The following RAD51B variants were observed in gnomAD, a reference collection of about 807,000 sequenced individuals.
The protein encoded by RAD51B is DNA repair protein RAD51 homolog 2.
Under a neutral mutation model 42.2 loss-of-function variants are expected in RAD51B, and 38 were observed. That is an observed-to-expected ratio of 0.90 (90% CI 0.70 to 1.18). The LOEUF (loss-of-function observed/expected upper bound fraction) is 1.18. Among genes scored for constraint, RAD51B ranks in the 50% most tolerant of loss-of-function variants. The pLI is 0.00. For missense variants in RAD51B, 373 were observed against 400.7 expected (o/e 0.93, Z 0.59); for synonymous variants, 154 against 145.2 (o/e 1.06, Z -0.43).
intron 11 of RAD51B, among the ~76,000 whole-genome samples, chr14:68,660,799 G>C (rs893985558): frequency 6.6e-6 from 1 of 152,196 alleles, no homozygotes; most frequent in Admixed American, 6.5e-5. Flanking sequence ...TGGGTAGGAA[G>C]AGCCACTTGT....
At chr14:68,193,547 G>T (rs2079308851) in intron 7 of RAD51B, among the ~76,000 whole-genome samples, 1 of 152,128 alleles carries the variant, frequency 6.6e-6, no homozygotes, top group Non-Finnish European at 1.5e-5. Flanking sequence ...GGGCTAAAGG[G>T]ATGCAAAAAC....
At chr14:68,536,611 T>G (rs1465486780) in intron 10 of RAD51B, among the ~76,000 whole-genome samples, 10 of 152,264 alleles carry the variant, frequency 6.6e-5, no homozygotes, top group Non-Finnish European at 1.3e-4. Flanking sequence ...GGTTATCCTT[T>G]GTAAAATTCT....
At chr14:68,273,668 G>C (rs1210378714) in intron 7 of RAD51B, among the ~76,000 whole-genome samples, 1 of 152,064 alleles carries the variant, frequency 6.6e-6, no homozygotes, top group Non-Finnish European at 1.5e-5. Context: ...ATTAGGTTCG[G>C]AACAAGCACT....
chr14:68,483,060 AAG>A (rs10570973), downstream of RAD51B, among the ~76,000 whole-genome samples: 45,777 of 151,826 alleles, frequency 0.3, 8,006 homozygotes, highest in African/African-American at 0.48. Flanking sequence ...GAAAGTAAGA[AAG>A]AGAGAGAGAT....
chr14:68,570,192 G>A (rs1889624598), intron 10 of RAD51B, among the ~76,000 whole-genome samples: 1 of 152,142 alleles, frequency 6.6e-6, no homozygotes, highest in South Asian at 2.1e-4. Context: ...TCTGCCCTGA[G>A]CTCCTTGTCT....
intron 8 of RAD51B, among the ~76,000 whole-genome samples, chr14:68,394,637 T>C (rs1364400174): frequency 6.6e-6 from 1 of 152,268 alleles, no homozygotes; most frequent in Non-Finnish European, 1.5e-5. Context: ...CTCAATCCTC[T>C]GAAAGCATTT....
chr14:68,285,319 G>A (rs936437813), intron 7 of RAD51B, among the ~76,000 whole-genome samples: 1 of 152,130 alleles, frequency 6.6e-6, no homozygotes, highest in African/African-American at 2.4e-5. Context: ...GTCATATATG[G>A]CAATTAGGAT....
At chr14:68,174,959 T>G (rs2078936681) in intron 7 of RAD51B, among the ~76,000 whole-genome samples, 1 of 152,204 alleles carries the variant, frequency 6.6e-6, no homozygotes, top group African/African-American at 2.4e-5. Flanking sequence ...ATTAAGTTAG[T>G]GTAAATATTA....
chr14:68,656,308 A>T (rs1892813863), intron 11 of RAD51B, among the ~76,000 whole-genome samples: 1 of 152,156 alleles, frequency 6.6e-6, no homozygotes, highest in Non-Finnish European at 1.5e-5. Context: ...CACAGAGATG[A>T]CTATAGGTAT....
intron 7 of RAD51B, among the ~76,000 whole-genome samples, chr14:67,898,886 A>G (rs899466158): frequency 6.6e-6 from 1 of 152,216 alleles, no homozygotes; most frequent in Admixed American, 6.5e-5. Context: ...AGGTTTTATT[A>G]TCTTCCAATA....
intron 7 of RAD51B, among the ~76,000 whole-genome samples, chr14:68,098,578 A>G (rs940694942): frequency 1.6e-4 from 25 of 152,310 alleles, no homozygotes; most frequent in African/African-American, 5.8e-4. Flanking sequence ...AGGATGATGC[A>G]AAAGTGGAAA....
intron 5 of RAD51B, among the ~76,000 whole-genome samples, chr14:67,874,166 C>T (rs945464681): frequency 3.9e-5 from 6 of 152,168 alleles, no homozygotes; most frequent in African/African-American, 1.2e-4. Context: ...CTTAAAAGCA[C>T]TTTGGAAAGG....
At chr14:68,050,609 T>A (rs1251908291) in intron 7 of RAD51B, among the ~76,000 whole-genome samples, 1 of 152,186 alleles carries the variant, frequency 6.6e-6, no homozygotes, top group East Asian at 1.9e-4. Context: ...CGCATGTGTG[T>A]GTGCTCACAC....
intron 7 of RAD51B, among the ~76,000 whole-genome samples, chr14:67,931,212 C>T (rs889849485): frequency 2.0e-5 from 3 of 152,014 alleles, no homozygotes; most frequent in South Asian, 4.1e-4. Context: ...TGAGCCACCG[C>T]GTCCTGCCTG....
chr14:68,470,559 T>G (rs1333139431), intron 10 of RAD51B: 10 of 502,850 alleles, frequency 2.0e-5, no homozygotes, highest in Non-Finnish European at 3.1e-5. Flanking sequence ...TTCAAGACTT[T>G]GAAAACTGTC....
At chr14:68,216,865 C>T (rs577200484) in intron 7 of RAD51B, among the ~76,000 whole-genome samples, 3 of 152,278 alleles carry the variant, frequency 2.0e-5, no homozygotes, top group Admixed American at 2.0e-4. Flanking sequence ...CTGTCCGACC[C>T]CCCTCTCAGC....
At chr14:68,508,273 C>T (rs543403291) in intron 10 of RAD51B, among the ~76,000 whole-genome samples, 18 of 152,094 alleles carry the variant, frequency 1.2e-4, no homozygotes, top group Non-Finnish European at 2.5e-4. Context: ...ACTTGGAGAC[C>T]TCTGAACAAT....
chr14:68,064,319 T>A (rs2076615492), intron 7 of RAD51B, among the ~76,000 whole-genome samples: 1 of 152,226 alleles, frequency 6.6e-6, no homozygotes, highest in East Asian at 1.9e-4. Context: ...AGTCTCTTCT[T>A]AGTCTAATGG....
chr14:68,604,746 T>A (rs941307964), intron 10 of RAD51B, among the ~76,000 whole-genome samples: 1 of 152,214 alleles, frequency 6.6e-6, no homozygotes, highest in Admixed American at 6.5e-5. Context: ...GAGCACTGGC[T>A]CAGGCTCACT....
Sources: gnomAD v4.1 joint callset for allele counts (sites outside exome capture counted in the v4.1 genomes callset) on GRCh38, gnomAD v4.1.1 for gene constraint, MANE v1.5 for transcripts, NCBI Gene and HGNC (gene_info 2026-07-23, HGNC 2026-07-21) for gene names.